KCNIP4: variants seen among roughly 807,000 people sequenced by gnomAD.
The protein encoded by KCNIP4 is potassium voltage-gated channel interacting protein 4, also known as Kv channel-interacting protein 4.
KCNIP4 carries 12 observed loss-of-function variants against 34.0 expected under a neutral mutation model. The observed-to-expected ratio is 0.35, with a 90% CI of 0.23 to 0.57. KCNIP4 has a LOEUF of 0.57. KCNIP4 is among the 20% of genes least tolerant of loss of function. The probability of loss-of-function intolerance (pLI) is 0.83; values close to 1 mark genes in which losing one functional copy is unlikely to be tolerated. For missense variants in KCNIP4, 238 were observed against 311.7 expected (o/e 0.76, Z 1.78); for synonymous variants, 124 against 102.2 (o/e 1.21, Z -1.29).
At chr4:20,823,990 C>G (rs67910205) in intron 3 of KCNIP4, among the ~76,000 whole-genome samples, 18,515 of 152,214 alleles carry the variant, frequency 0.12, 1,221 homozygotes, top group East Asian at 0.21. Context: ...GCACTGCTAC[C>G]TCCTAGCTAT....
chr4:21,295,222 G>A (rs900134505), intron 1 of KCNIP4, among the ~76,000 whole-genome samples: 1 of 152,138 alleles, frequency 6.6e-6, no homozygotes, highest in Non-Finnish European at 1.5e-5. Flanking sequence ...GCGCTCACAC[G>A]AAAGATTGGG....
At chr4:20,764,386 A>G (rs1472666091) in intron 3 of KCNIP4, among the ~76,000 whole-genome samples, 3 of 152,254 alleles carry the variant, frequency 2.0e-5, no homozygotes, top group African/African-American at 7.2e-5. Context: ...TAATGCATCC[A>G]TTGAACTTAC....
At chr4:21,389,723 C>T (rs1177416103) in intron 1 of KCNIP4, among the ~76,000 whole-genome samples, 1 of 151,866 alleles carries the variant, frequency 6.6e-6, no homozygotes, top group Non-Finnish European at 1.5e-5. Flanking sequence ...TGCGTTGGTT[C>T]CAAGTCTTTT....
chr4:21,763,724 T>C (rs554256854), intron 1 of KCNIP4, among the ~76,000 whole-genome samples: 2 of 152,288 alleles, frequency 1.3e-5, no homozygotes, highest in Middle Eastern at 3.4e-3. Context: ...ATAACATAAG[T>C]AGAATGCTTC....
chr4:20,825,103 G>A (rs1183798184), intron 3 of KCNIP4, among the ~76,000 whole-genome samples: 2 of 152,016 alleles, frequency 1.3e-5, no homozygotes, highest in Non-Finnish European at 1.5e-5. Flanking sequence ...GGTTTGCCAG[G>A]ATAAACTTCA....
At chr4:21,158,742 T>C (rs1002200636) in intron 1 of KCNIP4, among the ~76,000 whole-genome samples, 2 of 152,160 alleles carry the variant, frequency 1.3e-5, no homozygotes, top group Admixed American at 6.5e-5. Flanking sequence ...TGAGAAGTTA[T>C]CTACTCTTAC....
intron 1 of KCNIP4, among the ~76,000 whole-genome samples, chr4:21,788,322 T>G (rs1422199031): frequency 2.0e-5 from 3 of 152,176 alleles, no homozygotes; most frequent in Non-Finnish European, 4.4e-5. Context: ...CTTCCTTACT[T>G]GAAGGATATA....
intron 1 of KCNIP4, among the ~76,000 whole-genome samples, chr4:21,276,816 A>C (rs1762472599): frequency 6.6e-6 from 1 of 152,166 alleles, no homozygotes; most frequent in Non-Finnish European, 1.5e-5. Flanking sequence ...AGGTCTGCTA[A>C]GGAGCTCTGA....
Position 21,247,163 on chromosome 4 carries a change from C to T in KCNIP4, c.62-364454G>A, listed in dbSNP as rs145905043. Among the ~76,000 whole-genome samples, 550 of 152,096 alleles carry T rather than the reference C, an allele frequency of 3.6e-3. 2 individuals are homozygous for T. The highest frequency in any genetic ancestry group is 0.01 in the Middle Eastern group (3 of 294). On this transcript the variant is annotated intron_variant, in intron 1 of 8. Coordinates refer to ENST00000382152, the MANE Select transcript of KCNIP4 (RefSeq NM_025221.6). ...AAGAGGTTTTGTAGAGTACCTAATCCAACCTTTGCATTATATAAAATAAGA... is the reference window on the plus strand; with the variant it reads ...AAGAGGTTTTGTAGAGTACCTAATCTAACCTTTGCATTATATAAAATAAGA...
intron 1 of KCNIP4, among the ~76,000 whole-genome samples, chr4:20,907,412 C>T (rs1181200787): frequency 6.6e-6 from 1 of 152,024 alleles, no homozygotes; most frequent in East Asian, 1.9e-4. Context: ...GTTTAAATTT[C>T]TATAAAATGT....
At position 21,481,969 on chromosome 4, in the gene KCNIP4, A is replaced by C. The variant is rs186841133; in HGVS notation, c.61+466602T>G. On this transcript the variant is annotated intron_variant, in intron 1 of 8. Coordinates refer to ENST00000382152, the MANE Select transcript of KCNIP4 (RefSeq NM_025221.6). ...TAAGTCTCTTTGTAGGTCTCTAAGGACTTGCTTTATGAATCTGGGTGCTCC... is the reference window on the plus strand; with the variant it reads ...TAAGTCTCTTTGTAGGTCTCTAAGGCCTTGCTTTATGAATCTGGGTGCTCC... 1.0e-3 allele frequency among the ~76,000 whole-genome samples: 154 copies of C among 152,192 alleles called. 1 individual carries two copies. The highest frequency in any genetic ancestry group is 3.6e-3 in the African/African-American group (148 of 41,520).
chr4:21,822,786 T>C (rs911681277), intron 1 of KCNIP4, among the ~76,000 whole-genome samples: 7 of 151,784 alleles, frequency 4.6e-5, no homozygotes, highest in African/African-American at 1.2e-4. Context: ...GGCGCAATCT[T>C]GGCTCACTGC....
chr4:21,851,231 A>G (rs1161470244), intron 1 of KCNIP4: 1 of 152,166 alleles, frequency 6.6e-6, no homozygotes, highest in Non-Finnish European at 1.5e-5. Context: ...TCAGGAAGGC[A>G]TTCAAATCCC....
intron 1 of KCNIP4, among the ~76,000 whole-genome samples, chr4:21,140,157 A>G (rs1301402771): frequency 1.3e-5 from 2 of 152,156 alleles, no homozygotes; most frequent in Non-Finnish European, 2.9e-5. Context: ...ACAGGCAGCT[A>G]CAGTATAGAT....
intron 1 of KCNIP4, among the ~76,000 whole-genome samples, chr4:20,934,377 T>C (rs922207391): frequency 2.0e-5 from 3 of 152,184 alleles, no homozygotes; most frequent in Admixed American, 6.5e-5. Flanking sequence ...CTATTATCAA[T>C]TTACTAGATC....
intron 1 of KCNIP4, among the ~76,000 whole-genome samples, chr4:21,052,540 G>T (rs1743020934): frequency 6.6e-6 from 1 of 152,162 alleles, no homozygotes; most frequent in African/African-American, 2.4e-5. Flanking sequence ...ACTTGTAATG[G>T]CAGTCTTTAT....
chr4:21,359,089 A>G (rs769271866), intron 1 of KCNIP4, among the ~76,000 whole-genome samples: 2 of 151,294 alleles, frequency 1.3e-5, no homozygotes, highest in Non-Finnish European at 2.9e-5. Flanking sequence ...GACCTGTCTT[A>G]GATTTTGGGG....
chr4:21,618,726 G>A (rs1274031817), intron 1 of KCNIP4, among the ~76,000 whole-genome samples: 12 of 147,052 alleles, frequency 8.2e-5, no homozygotes, highest in Admixed American at 2.8e-4. Flanking sequence ...TCCGCCTCCC[G>A]GGTGCACGCC....
chr4:20,808,512 A>G (rs1715353510), intron 3 of KCNIP4, among the ~76,000 whole-genome samples: 1 of 152,194 alleles, frequency 6.6e-6, no homozygotes, highest in South Asian at 2.1e-4. Flanking sequence ...AATTATTCAT[A>G]ATTATTTGCA....
Sources: gnomAD v4.1 joint callset for allele counts (sites outside exome capture counted in the v4.1 genomes callset) on GRCh38, gnomAD v4.1.1 for gene constraint, MANE v1.5 for transcripts, NCBI Gene and HGNC (gene_info 2026-07-23, HGNC 2026-07-21) for gene names.